The following KDM4A variants were observed in gnomAD, a reference collection of about 807,000 sequenced individuals.
KDM4A encodes the protein lysine demethylase 4A.
KDM4A carries 23 observed loss-of-function variants against 127.1 expected under a neutral mutation model. The observed-to-expected ratio is 0.18, with a 90% CI of 0.13 to 0.26. The LOEUF is 0.26. Among genes scored for constraint, KDM4A ranks in the 10% least tolerant of loss-of-function variants. The probability of loss-of-function intolerance (pLI) is 1.00; values close to 1 mark genes in which losing one functional copy is unlikely to be tolerated. For synonymous variants in KDM4A, 443 were observed against 466.5 expected (o/e 0.95, Z 0.65); for missense variants, 890 against 1,329.1 (o/e 0.67, Z 5.14).
At chr1:43,664,643 G>A (rs989813222) in intron 5 of KDM4A, among the ~76,000 whole-genome samples, 2 of 152,034 alleles carry the variant, frequency 1.3e-5, no homozygotes, top group African/African-American at 4.8e-5. Context: ...TTCTAATCTT[G>A]GGGGAAAGAA....
In KDM4A at chr1:43,654,786, A is replaced by G. The variant is rs568210371; in HGVS notation, c.139-805A>G. ...AAAGTAAAACAATACTCTCTAATTA[A>G]AAAAAAAAAAGCTGTATAGTATTCC... On this transcript the variant is annotated intron_variant, in intron 2 of 21. Coordinates refer to ENST00000372396, the MANE Select transcript of KDM4A (RefSeq NM_014663.3). Among the ~76,000 whole-genome samples the G allele has an allele frequency of 6.4e-4, 94 of 145,788 alleles. 1 individual carries two copies. The highest frequency in any genetic ancestry group is 2.3e-3 in the African/African-American group (91 of 39,540).
At chr1:43,686,335 C>CT (rs35280583) in intron 12 of KDM4A, among the ~76,000 whole-genome samples, 32,858 of 92,728 alleles carry the variant, frequency 0.35, 7,012 homozygotes, top group East Asian at 0.59. Context: ...CACGCCCAGC[C>CT]TTTTTTTTTT....
intron 7 of KDM4A, 55 bp from the exon 8 acceptor site, chr1:43,666,899 A>G (rs1430196600): frequency 4.4e-6 from 7 of 1,590,690 alleles, no homozygotes; most frequent in Non-Finnish European, 6.0e-6. Flanking sequence ...TCAGAATTCC[A>G]GTTCTGTGGA....
intron 2 of KDM4A, 150 bp downstream of exon 2, chr1:43,653,463 G>C (rs1660166464): frequency 1.5e-6 from 1 of 665,176 alleles, no homozygotes; most frequent in East Asian, 2.9e-5. Context: ...GTTAATTCCC[G>C]TTGTTAACAT....
intron 12 of KDM4A, among the ~76,000 whole-genome samples, chr1:43,685,625 G>A (rs1482155199): frequency 6.6e-5 from 10 of 152,050 alleles, no homozygotes; most frequent in Admixed American, 5.9e-4. Flanking sequence ...AAAATTAGCT[G>A]GGCATGGTGG....
intron 12 of KDM4A, among the ~76,000 whole-genome samples, chr1:43,686,135 CTTTT>C (rs940767661): frequency 2.8e-5 from 4 of 143,500 alleles, no homozygotes; most frequent in South Asian, 2.2e-4. Flanking sequence ...TCTCCCCCTA[CTTTT>C]TTTTGTTTCT....
intron 3 of KDM4A, 49 bp from the exon 4 acceptor site, chr1:43,660,249 T>A (rs1660340648): frequency 6.3e-7 from 1 of 1,581,576 alleles, no homozygotes; most frequent in African/African-American, 1.4e-5. Context: ...TCATAATGCC[T>A]AATAAACCCC....
intron 4 of KDM4A, among the ~76,000 whole-genome samples, chr1:43,661,864 A>G (rs1660390735): frequency 6.6e-6 from 1 of 152,128 alleles, no homozygotes; most frequent in East Asian, 1.9e-4. Context: ...GGTGGAAATC[A>G]GGGCTAAAAA....
chr1:43,677,830 G>A (rs1461190525), intron 11 of KDM4A, among the ~76,000 whole-genome samples: 3 of 152,174 alleles, frequency 2.0e-5, no homozygotes, highest in Admixed American at 6.5e-5. Context: ...ATTAACATGT[G>A]ATTTTTATAA....
chr1:43,684,570 G>A (rs772908650), intron 12 of KDM4A, among the ~76,000 whole-genome samples: 12 of 152,170 alleles, frequency 7.9e-5, no homozygotes, highest in Non-Finnish European at 4.4e-5. Context: ...AGGAGCAGGA[G>A]GCTGTAGTCA....
Position 43,691,038 on chromosome 1 carries a change from G to A in KDM4A, c.2231G>A (p.Arg744Gln), listed in dbSNP as rs181667228. 49 of 1,614,006 alleles carry A rather than the reference G, an allele frequency of 3.0e-5. No individual in the cohort carries two copies. Among genetic ancestry groups the A allele is most frequent in the Admixed American group, 5.0e-5 (3 of 60,030 alleles). ...ILVSCKKCSV[R>Q]VHASCYGVPP... ...GTTTCCTGCAAGAAGTGCAGCGTCCGGGTCCATGCCAGTGAGTGCTGCTCA... is the reference window on the plus strand; with the variant it reads ...GTTTCCTGCAAGAAGTGCAGCGTCCAGGTCCATGCCAGTGAGTGCTGCTCA... Residue 744 changes from arginine (R) to glutamine (Q), a missense_variant, in exon 14 of 22, where the codon CGG (arginine) becomes CAG (glutamine). By Grantham distance (43) the Arg-to-Gln change is conservative. Around this residue, in one of 7 missense-constraint regions of KDM4A, gnomAD observed 246 missense variants for 418.4 expected, o/e 0.59. Transcript: ENST00000372396.
chr1:43,690,457 A>T (rs938126369), intron 13 of KDM4A: 10 of 304,836 alleles, frequency 3.3e-5, no homozygotes, highest in Middle Eastern at 2.4e-3. Context: ...CATGTTGGCT[A>T]GGCTGGTCTT....
intron 19 of KDM4A, chr1:43,702,408 T>C (rs751899555): frequency 3.2e-4 from 49 of 152,366 alleles, no homozygotes; most frequent in South Asian, 4.1e-4. Flanking sequence ...AGTAAATGAA[T>C]TGTCAATAAG....
intron 16 of KDM4A, 48 bp downstream of exon 16, chr1:43,692,359 GCA>G (rs1475031303): frequency 6.6e-7 from 1 of 1,510,036 alleles, no homozygotes; most frequent in East Asian, 2.3e-5. Context: ...CAGTTCCGAA[GCA>G]CACAGTGTCT....
At chr1:43,668,598 C>T (rs553804973) in intron 9 of KDM4A, among the ~76,000 whole-genome samples, 3 of 152,072 alleles carry the variant, frequency 2.0e-5, no homozygotes, top group African/African-American at 7.2e-5. Flanking sequence ...CATTTATGTG[C>T]GAAGGTCGGG....
chr1:43,703,572 G>A, intron 19 of KDM4A, 45 bp from the exon 20 acceptor site: 2 of 1,609,540 alleles, frequency 1.2e-6, no homozygotes, highest in Non-Finnish European at 8.5e-7. Flanking sequence ...ACCTTTGTGT[G>A]CAGGTGGACG....
At chr1:43,703,761 G>A in intron 20 of KDM4A, 25 bp downstream of exon 20, 1 of 1,613,406 alleles carries the variant, frequency 6.2e-7, no homozygotes, top group Non-Finnish European at 8.5e-7. Flanking sequence ...ACCTTTCTAG[G>A]GAGTGGGGGG....
intron 2 of KDM4A, among the ~76,000 whole-genome samples, chr1:43,655,127 G>A (rs983449790): frequency 3.3e-5 from 5 of 152,138 alleles, no homozygotes; most frequent in East Asian, 1.9e-4. Context: ...TGGGATTACC[G>A]GCATGAGCCA....
At chr1:43,662,022 T>G (rs566352372) in intron 4 of KDM4A, among the ~76,000 whole-genome samples, 1 of 152,160 alleles carries the variant, frequency 6.6e-6, no homozygotes, top group East Asian at 1.9e-4. Flanking sequence ...CCCTCCCAAG[T>G]AGCTGAGACT....
Sources: gnomAD v4.1 joint callset for allele counts (sites outside exome capture counted in the v4.1 genomes callset) on GRCh38, gnomAD v4.1.1 for gene constraint, gnomAD v4.1.1 regional missense constraint, MANE v1.5 for transcripts, NCBI Gene and HGNC (gene_info 2026-07-23, HGNC 2026-07-21) for gene names.